The following KIF27 variants were observed in gnomAD, a reference collection of about 807,000 sequenced individuals.
KIF27 encodes kinesin-like protein KIF27.
A neutral mutation model predicts 141.8 loss-of-function variants in KIF27; 84 were observed. The observed-to-expected ratio is 0.59, with a 90% confidence interval of 0.50 to 0.71. The LOEUF is 0.71. KIF27 is among the 30% of genes least tolerant of loss of function. KIF27 has a pLI of 0.00. For missense variants in KIF27, 1,306 were observed against 1,628.4 expected (o/e 0.80, Z 3.41); for synonymous variants, 471 against 569.5 (o/e 0.83, Z 2.46).
At chr9:83,851,157 C>T (rs1324928808) in intron 15 of KIF27, among the ~76,000 whole-genome samples, 3 of 151,722 alleles carry the variant, frequency 2.0e-5, no homozygotes, top group Non-Finnish European at 4.4e-5. Context: ...TTTTAATATA[C>T]TGTTGCTCTA....
At chr9:83,910,607 T>TC (rs577567164) in intron 2 of KIF27, among the ~76,000 whole-genome samples, 199 of 152,318 alleles carry the variant, frequency 1.3e-3, no homozygotes, top group African/African-American at 4.4e-3. Flanking sequence ...ACAGAGAATG[T>TC]GTGCAGAAGA....
chr9:83,850,302 C>A lies in KIF27; in HGVS notation c.3358-5G>T. On this transcript the variant is annotated splice_region_variant and splice_polypyrimidine_tract_variant and intron_variant, in intron 15 of 17. Coordinates refer to ENST00000297814, the MANE Select transcript of KIF27 (RefSeq NM_017576.4). Reference sequence around the variant, plus strand: ...AGCTTCTCGCAAATTCACCACCTAACAAATACATATTTTGACCTGTTAAGT... The same window carrying A: ...AGCTTCTCGCAAATTCACCACCTAAAAAATACATATTTTGACCTGTTAAGT... 6.2e-7 allele frequency: 1 copy of A among 1,600,456 alleles called. No homozygotes were observed. Among genetic ancestry groups the A allele is most frequent in the Non-Finnish European group, 8.6e-7 (1 of 1,167,808 alleles).
rs561598508 is a variant in KIF27 at position 83,837,309 on chromosome 9, G to A, written c.3898C>T (p.Pro1300Ser). 4.6e-5 allele frequency: 74 copies of A among 1,606,022 alleles called. 1 individual carries two copies. In the African/African-American group the frequency reaches 8.3e-4, roughly 18 times the overall value. Residue 1300 changes from proline (P) to serine (S), a missense_variant, in exon 18 of 18, where the codon CCA becomes TCA. By Grantham distance (74) the Pro-to-Ser change is moderately conservative. Coordinates refer to ENST00000297814, the MANE Select transcript of KIF27 (RefSeq NM_017576.4). Reference protein sequence around the residue: ...PNPQKLWEDIPELPPIHSSLA... With the variant: ...PNPQKLWEDISELPPIHSSLA... ...GAACTATGAATTGGAGGTAATTCTGGGATATCTTCCCAGAGCTTTTGAGGA... is the reference window on the plus strand; with the variant it reads ...GAACTATGAATTGGAGGTAATTCTGAGATATCTTCCCAGAGCTTTTGAGGA...
intron 11 of KIF27, among the ~76,000 whole-genome samples, chr9:83,871,100 G>C (rs1950753368): frequency 6.6e-6 from 1 of 151,672 alleles, no homozygotes; most frequent in Non-Finnish European, 1.5e-5. Flanking sequence ...ATTTTTTGTA[G>C]AGATGGGGTC....
intron 4 of KIF27, among the ~76,000 whole-genome samples, chr9:83,901,914 C>T (rs1953944364): frequency 6.6e-6 from 1 of 151,996 alleles, no homozygotes; most frequent in Admixed American, 6.6e-5. Context: ...TTAAAAATGC[C>T]CTTTATATTA....
At chr9:83,911,403 G>C (rs1222820892) in intron 2 of KIF27, among the ~76,000 whole-genome samples, 2 of 151,934 alleles carry the variant, frequency 1.3e-5, no homozygotes, top group Non-Finnish European at 2.9e-5. Context: ...GCTAATTTTT[G>C]TATTTTTAGT....
intron 12 of KIF27, among the ~76,000 whole-genome samples, chr9:83,868,901 T>C (rs1324252404): frequency 3.3e-5 from 5 of 152,152 alleles, no homozygotes; most frequent in East Asian, 3.8e-4. Flanking sequence ...TAAAATATTA[T>C]AGTAGCTCTA....
intron 7 of KIF27, 85 bp from the exon 8 acceptor site, chr9:83,888,677 T>C: frequency 1.2e-5 from 9 of 752,222 alleles, no homozygotes; most frequent in Middle Eastern, 2.4e-4. Context: ...GTGAAAGTAA[T>C]GTTAAAAAAA....
At position 83,914,912 on chromosome 9, in the gene KIF27, A is replaced by C. The variant is rs145461820; in HGVS notation, c.298+382T>G. Among the ~76,000 whole-genome samples the C allele has an allele frequency of 6.1e-3, 922 of 152,322 alleles. 11 individuals are homozygous for C. Among genetic ancestry groups the C allele is most frequent in the African/African-American group, 0.021 (875 of 41,576 alleles). On this transcript the variant is annotated intron_variant, in intron 2 of 17. Transcript: ENST00000297814. ...AAAAGAAAAGATACTTTACATAATA[A>C]ATTTTTCCTACGGTCCCTAAGTCCT...
intron 16 of KIF27, among the ~76,000 whole-genome samples, chr9:83,848,372 C>A (rs1426280936): frequency 7.6e-6 from 1 of 132,420 alleles, no homozygotes; most frequent in Non-Finnish European, 1.5e-5. Context: ...CATATATCTA[C>A]ATATATCTAT....
chr9:83,839,272 A>G (rs1946289385), intron 17 of KIF27, among the ~76,000 whole-genome samples: 2 of 152,224 alleles, frequency 1.3e-5, no homozygotes, highest in Admixed American at 6.5e-5. Flanking sequence ...GCTCACTCCA[A>G]AGCCCACTTG....
intron 1 of KIF27, among the ~76,000 whole-genome samples, chr9:83,917,906 C>G (rs774929052): frequency 6.6e-6 from 1 of 151,928 alleles, no homozygotes; most frequent in Admixed American, 6.6e-5. Flanking sequence ...AGATATGACA[C>G]CAAAAGCAAT....
intron 13 of KIF27, among the ~76,000 whole-genome samples, chr9:83,861,873 A>G (rs1232091417): frequency 6.6e-6 from 1 of 150,970 alleles, no homozygotes; most frequent in Admixed American, 6.6e-5. Flanking sequence ...TTGCCATTCT[A>G]ACTGGTGTGA....
intron 1 of KIF27, among the ~76,000 whole-genome samples, chr9:83,920,161 G>C (rs1398790932): frequency 6.6e-6 from 1 of 152,188 alleles, no homozygotes; most frequent in African/African-American, 2.4e-5. Flanking sequence ...AGCCCGGGAG[G>C]TTGAGGCTGC....
chr9:83,861,974 C>T (rs1290853322), intron 13 of KIF27, among the ~76,000 whole-genome samples: 2 of 152,220 alleles, frequency 1.3e-5, no homozygotes, highest in Non-Finnish European at 2.9e-5. Context: ...GCATAAATGT[C>T]TTCTTTCGAG....
At chr9:83,896,238 C>T (rs1311628760) in intron 5 of KIF27, among the ~76,000 whole-genome samples, 3 of 151,890 alleles carry the variant, frequency 2.0e-5, no homozygotes, top group East Asian at 1.9e-4. Flanking sequence ...AGTGAGACTC[C>T]GTCTCAAAAA....
intron 5 of KIF27, among the ~76,000 whole-genome samples, chr9:83,897,695 C>A (rs1250962307): frequency 6.6e-6 from 1 of 152,008 alleles, no homozygotes; most frequent in African/African-American, 2.4e-5. Flanking sequence ...TATTTGCAAT[C>A]ATGTAAGTGA....
At chr9:83,843,877 C>T (rs1401143243) in intron 16 of KIF27, among the ~76,000 whole-genome samples, 1 of 152,128 alleles carries the variant, frequency 6.6e-6, no homozygotes, top group Non-Finnish European at 1.5e-5. Flanking sequence ...CACATGCCAC[C>T]ATGCCTGGCT....
At chr9:83,859,848 TA>T (rs111886979) in intron 13 of KIF27, 1 of 151,958 alleles carries the variant, frequency 6.6e-6, no homozygotes, top group Non-Finnish European at 1.5e-5. Context: ...GTTCATTTTC[TA>T]AAATCTTAAG....
Sources: allele counts gnomAD v4.1 joint callset (sites outside exome capture counted in the v4.1 genomes callset), GRCh38; gene constraint gnomAD v4.1.1; transcripts MANE v1.5; gene names NCBI Gene and HGNC (gene_info 2026-07-23, HGNC 2026-07-21).